ZSCAN4: variants seen among roughly 807,000 people sequenced by gnomAD.
The protein encoded by ZSCAN4 is zinc finger and SCAN domain containing 4, also known as zinc finger and SCAN domain-containing protein 4.
A neutral mutation model predicts 18.3 loss-of-function variants in ZSCAN4; 18 were observed. The observed-to-expected ratio is 0.98, with a 90% confidence interval of 0.68 to 1.46. ZSCAN4 has a LOEUF of 1.46. Ranked by LOEUF, ZSCAN4 falls within the 40% of genes most tolerant of loss-of-function variation. The pLI is 0.00. For synonymous variants in ZSCAN4, 193 were observed against 180.3 expected, an observed-to-expected ratio of 1.07 and a Z score of -0.57; for missense variants, 498 against 511.4, an observed-to-expected ratio of 0.97 and a Z score of 0.25.
the ZSCAN4 span, among the ~76,000 whole-genome samples, chr19:57,658,132 G>A: frequency 6.6e-6 from 1 of 152,142 alleles, no homozygotes; most frequent in Non-Finnish European, 1.5e-5. Context: ...GGGTAACTGT[G>A]TTACATTTAT....
chr19:57,672,617 T>C (rs951899794), intron 2 of ZSCAN4, among the ~76,000 whole-genome samples: 2 of 151,886 alleles, frequency 1.3e-5, no homozygotes, highest in African/African-American at 2.4e-5. Flanking sequence ...TTTTTTTTTT[T>C]TTTGAGACAG....
exon 5 of ZSCAN4, chr19:57,678,682 T>G: frequency 6.2e-7 from 1 of 1,614,150 alleles, no homozygotes; most frequent in Non-Finnish European, 8.5e-7. Context: ...GTGCATCAGA[T>G]AATTCACACA....
chr19:57,654,049 G>A, the ZSCAN4 span, among the ~76,000 whole-genome samples: 3,788 of 152,278 alleles, frequency 0.025, 68 homozygotes, highest in Non-Finnish European at 0.037. Flanking sequence ...TGTCTTTCCT[G>A]TTGGATACTG....
At chr19:57,679,117 AC>A (rs1984285985) in exon 5 of ZSCAN4, 1 of 393,538 alleles carries the variant, frequency 2.5e-6, no homozygotes, top group East Asian at 4.2e-5. Context: ...ATTTCCAAGA[AC>A]CAATAAATTT....
At chr19:57,655,027 C>T in the ZSCAN4 span, among the ~76,000 whole-genome samples, 2 of 152,200 alleles carry the variant, frequency 1.3e-5, no homozygotes, top group African/African-American at 2.4e-5. Context: ...TTTCTCCATT[C>T]TTGGGGATAT....
upstream of ZSCAN4, among the ~76,000 whole-genome samples, chr19:57,665,990 A>G (rs1238298383): frequency 6.6e-6 from 1 of 152,218 alleles, no homozygotes; most frequent in Non-Finnish European, 1.5e-5. Context: ...ACAATTTTTT[A>G]ATTTGAGAAA....
At chr19:57,658,626 G>A in the ZSCAN4 span, among the ~76,000 whole-genome samples, 3 of 151,996 alleles carry the variant, frequency 2.0e-5, no homozygotes, top group African/African-American at 7.3e-5. Context: ...CTGAGATCAG[G>A]AGTTCAAGAC....
exon 5 of ZSCAN4, chr19:57,678,192 A>G: frequency 6.2e-7 from 1 of 1,614,142 alleles, no homozygotes; most frequent in South Asian, 1.1e-5. Context: ...AGATGGCTGG[A>G]ACAGTTCTTC....
At chr19:57,676,000 C>A (rs1297587819) in intron 2 of ZSCAN4, 41 bp from the exon 3 acceptor site, 5 of 770,082 alleles carry the variant, frequency 6.5e-6, no homozygotes, top group Non-Finnish European at 1.0e-5. Flanking sequence ...TTTAATTATG[C>A]CAGTGGTGCA....
Position 57,669,882 on chromosome 19 carries a change from G to A in ZSCAN4, c.-428-363G>A, listed in dbSNP as rs149477172. Among the ~76,000 whole-genome samples the A allele has an allele frequency of 1.9e-3, 292 of 151,942 alleles. 1 individual carries two copies. The highest frequency in any genetic ancestry group is 3.2e-3 in the Non-Finnish European group (220 of 67,954). ...GGCTAACATTTTTAACATTATTTTT[G>A]GTAGAGACAGGGTCTTGCTTTGTTG... On this transcript the variant is annotated intron_variant, in intron 1 of 4. Coordinates refer to ENST00000318203, the Ensembl canonical transcript of ZSCAN4.
the ZSCAN4 span, among the ~76,000 whole-genome samples, chr19:57,652,568 C>T: frequency 2.6e-5 from 4 of 152,022 alleles, no homozygotes; most frequent in African/African-American, 9.7e-5. Flanking sequence ...ACCACCATAT[C>T]CTCCTCCTTC....
intron 2 of ZSCAN4, 139 bp from the exon 3 acceptor site, chr19:57,675,902 T>C (rs1012580592): frequency 1.6e-5 from 6 of 378,534 alleles, no homozygotes; most frequent in African/African-American, 1.0e-4. Flanking sequence ...TCCTCTTATA[T>C]GCTCTGGGAG....
the ZSCAN4 span, among the ~76,000 whole-genome samples, chr19:57,652,733 T>C: frequency 6.6e-6 from 1 of 152,314 alleles, no homozygotes; most frequent in African/African-American, 2.4e-5. Flanking sequence ...CCTTCCCTTG[T>C]GGGAGACGGC....
At chr19:57,656,440 C>A in the ZSCAN4 span, among the ~76,000 whole-genome samples, 4,850 of 152,326 alleles carry the variant, frequency 0.032, 130 homozygotes, top group East Asian at 0.14. Flanking sequence ...CACTTCCATG[C>A]TGGTTATTAC....
exon 3 of ZSCAN4, chr19:57,676,442 T>G: frequency 6.2e-7 from 1 of 1,614,176 alleles, no homozygotes. Context: ...GCCACTGCAA[T>G]GACAAAGCCA....
intron 2 of ZSCAN4, 110 bp downstream of exon 2, chr19:57,670,677 T>G (rs1030130081): frequency 6.6e-6 from 1 of 152,228 alleles, no homozygotes; most frequent in Non-Finnish European, 1.5e-5. Context: ...TACATGTGTA[T>G]GTAGGCATAG....
chr19:57,665,534 A>T (rs10414449), upstream of ZSCAN4, among the ~76,000 whole-genome samples: 1 of 152,130 alleles, frequency 6.6e-6, no homozygotes, highest in African/African-American at 2.4e-5. Context: ...CCAGCAGACA[A>T]GTTCACTGAC....
chr19:57,671,800 A>T (rs1240502473), intron 2 of ZSCAN4, among the ~76,000 whole-genome samples: 1 of 152,212 alleles, frequency 6.6e-6, no homozygotes, highest in Non-Finnish European at 1.5e-5. Flanking sequence ...TGCCTTATTA[A>T]CTGATGCGAT....
chr19:57,678,837 C>A (rs764188944), exon 5 of ZSCAN4: 2 of 1,613,900 alleles, frequency 1.2e-6, no homozygotes, highest in Non-Finnish European at 1.7e-6. Context: ...ATCCACATAC[C>A]ACCGCCATAT....
Sources: allele counts gnomAD v4.1 joint callset (sites outside exome capture counted in the v4.1 genomes callset), GRCh38; gene constraint gnomAD v4.1.1; transcripts MANE v1.5; gene names NCBI Gene and HGNC (gene_info 2026-07-23, HGNC 2026-07-21).